The following MEIG1 variants were observed in gnomAD, a reference collection of about 807,000 sequenced individuals.
The protein encoded by MEIG1 is meiosis expressed gene 1 protein homolog.
A neutral mutation model predicts 11.3 loss-of-function variants in MEIG1; 12 were observed. The ratio of observed to expected loss-of-function variants is 1.07; its 90% CI spans 0.68 to 1.73. The LOEUF is 1.73. Ranked by LOEUF, MEIG1 falls within the 40% of genes most tolerant of loss-of-function variation. The pLI is 0.00. For synonymous variants in MEIG1, 41 were observed against 33.2 expected (o/e 1.24, Z -0.81); for missense variants, 119 against 104.9 (o/e 1.13, Z -0.59).
upstream of MEIG1, among the ~76,000 whole-genome samples, chr10:14,957,671 A>G (rs1165365988): frequency 6.6e-6 from 1 of 152,044 alleles, no homozygotes; most frequent in African/African-American, 2.4e-5. Flanking sequence ...GTCTCCCTCT[A>G]TGCCCAGGCT....
At chr10:14,968,291 C>T (rs572065922) in intron 2 of MEIG1, among the ~76,000 whole-genome samples, 1 of 152,158 alleles carries the variant, frequency 6.6e-6, no homozygotes, top group Admixed American at 6.5e-5. Context: ...AGTTTGAGAC[C>T]AGCCTAGCCA....
At chr10:14,982,644 T>C (rs533880490) in intron 1 of MEIG1, among the ~76,000 whole-genome samples, 6 of 152,224 alleles carry the variant, frequency 3.9e-5, no homozygotes, top group African/African-American at 1.4e-4. Context: ...ACCGCTGCTC[T>C]CTCAGGGGCA....
intron 1 of MEIG1, among the ~76,000 whole-genome samples, chr10:14,962,572 T>A (rs1464456170): frequency 6.6e-6 from 1 of 152,108 alleles, no homozygotes; most frequent in African/African-American, 2.4e-5. Context: ...GAGCTGAAAG[T>A]GACAAAAGGT....
chr10:14,985,042 A>G (rs566003571), intron 1 of MEIG1, among the ~76,000 whole-genome samples: 48 of 151,964 alleles, frequency 3.2e-4, no homozygotes, highest in African/African-American at 9.2e-4. Context: ...TCTTGAAGAG[A>G]TGTTACTACT....
intron 1 of MEIG1, among the ~76,000 whole-genome samples, chr10:14,979,163 G>A (rs1003974278): frequency 5.9e-5 from 9 of 151,618 alleles, no homozygotes; most frequent in Admixed American, 5.3e-4. Context: ...TATCTCAGGG[G>A]GATTTTACTT....
At chr10:14,979,963 C>T (rs1214098681) in intron 1 of MEIG1, among the ~76,000 whole-genome samples, 1 of 151,924 alleles carries the variant, frequency 6.6e-6, no homozygotes, top group Non-Finnish European at 1.5e-5. Flanking sequence ...GGGATAATTA[C>T]CCTAAAGTCG....
chr10:14,981,213 A>C (rs1435696069), intron 1 of MEIG1, among the ~76,000 whole-genome samples: 1 of 148,384 alleles, frequency 6.7e-6, no homozygotes, highest in Non-Finnish European at 1.5e-5. Context: ...GCCACCGCTT[A>C]GCCAGAGCTG....
At chr10:14,961,927 C>A (rs1843019087) in intron 1 of MEIG1, among the ~76,000 whole-genome samples, 1 of 152,024 alleles carries the variant, frequency 6.6e-6, no homozygotes, top group Non-Finnish European at 1.5e-5. Context: ...CCCACCTTAG[C>A]CTCCCCAGTA....
At chr10:14,973,977 G>C (rs1358389662), downstream of MEIG1, among the ~76,000 whole-genome samples, 1 of 152,050 alleles carries the variant, frequency 6.6e-6, no homozygotes, top group African/African-American at 2.4e-5. Context: ...CAGGGCTATC[G>C]GGATCAAAGG....
At chr10:14,971,220 A>ATAATAATAATAG (rs1011778660) in intron 2 of MEIG1, among the ~76,000 whole-genome samples, 1 of 148,768 alleles carries the variant, frequency 6.7e-6, no homozygotes, top group African/African-American at 2.5e-5. Context: ...AATAATGATA[A>ATAATAATAATAG]TAATAATAAT....
At chr10:14,974,641 TTAA>T (rs1433035539), downstream of MEIG1, among the ~76,000 whole-genome samples, 2 of 152,070 alleles carry the variant, frequency 1.3e-5, no homozygotes, top group African/African-American at 4.8e-5. Context: ...ACTATCAATA[TTAA>T]TAACTGATCA....
At position 14,966,666 on chromosome 10, in the gene MEIG1, A is replaced by G. The variant is rs1264087795; in HGVS notation, c.138+60A>G. ...ATGTATTTCTCAGATGCTGAAAAGTATTTTATAAACAACCAGAGAATAACT... is the reference window on the plus strand; with the variant it reads ...ATGTATTTCTCAGATGCTGAAAAGTGTTTTATAAACAACCAGAGAATAACT... On this transcript the variant is annotated intron_variant, in intron 2 of 2. Transcript: ENST00000407572. 8.7e-6 allele frequency: 13 copies of G among 1,498,636 alleles called. No homozygotes were observed. In the East Asian group the frequency reaches 2.8e-4, roughly 33 times the overall value. The allele number at this position is 1,498,636 out of a possible 1,614,324, so 92.8% of individuals were successfully genotyped here. A position where few individuals can be genotyped will look rare whatever the true frequency, so the allele number is the denominator to read the frequency against.
chr10:14,977,518 T>A (rs887501431), downstream of MEIG1, among the ~76,000 whole-genome samples: 4 of 151,996 alleles, frequency 2.6e-5, no homozygotes, highest in African/African-American at 4.8e-5. Context: ...ACAGGGGGTG[T>A]ACACCCTTCG....
intron 1 of MEIG1, among the ~76,000 whole-genome samples, chr10:14,965,138 T>G (rs1162677016): frequency 2.6e-5 from 4 of 152,144 alleles, no homozygotes; most frequent in Non-Finnish European, 4.4e-5. Flanking sequence ...AATGAGCATT[T>G]GTTATTGTGA....
At chr10:14,962,789 C>G (rs1300002140) in intron 1 of MEIG1, among the ~76,000 whole-genome samples, 1 of 150,040 alleles carries the variant, frequency 6.7e-6, no homozygotes, top group Non-Finnish European at 1.5e-5. Context: ...TTTTTTCAGA[C>G]AGTCTCGCTC....
At chr10:14,976,953 T>A (rs1288708080), downstream of MEIG1, among the ~76,000 whole-genome samples, 3 of 151,686 alleles carry the variant, frequency 2.0e-5, no homozygotes, top group Non-Finnish European at 2.9e-5. Flanking sequence ...GATGTCCCAA[T>A]GCAGGTACAT....
chr10:14,978,827 T>C (rs1843236770), intron 1 of MEIG1, among the ~76,000 whole-genome samples: 1 of 151,958 alleles, frequency 6.6e-6, no homozygotes, highest in Admixed American at 6.6e-5. Flanking sequence ...CCTTTTGAAA[T>C]TATTCATCAC....
At chr10:14,986,128 A>G (rs1225243049) in intron 1 of MEIG1, among the ~76,000 whole-genome samples, 1 of 152,206 alleles carries the variant, frequency 6.6e-6, no homozygotes, top group African/African-American at 2.4e-5. Flanking sequence ...ACCCTGTGAT[A>G]TAATTCTTAT....
chr10:14,971,436 G>A (rs557477970), intron 2 of MEIG1, among the ~76,000 whole-genome samples: 16 of 151,978 alleles, frequency 1.1e-4, no homozygotes, highest in East Asian at 7.7e-4. Context: ...CTAACTACTC[G>A]GGAGGCAGAG....
Sources: allele counts gnomAD v4.1 joint callset (sites outside exome capture counted in the v4.1 genomes callset), GRCh38; gene constraint gnomAD v4.1.1; transcripts MANE v1.5; gene names NCBI Gene and HGNC (gene_info 2026-07-23, HGNC 2026-07-21).